WDR82: variants seen among roughly 807,000 people sequenced by gnomAD.
WDR82 encodes WD repeat domain 82.
In WDR82, 8 loss-of-function variants were observed where a neutral mutation model predicts 36.1. The ratio of observed to expected loss-of-function variants is 0.22; its 90% confidence interval spans 0.13 to 0.40. WDR82 has a LOEUF of 0.40. Ranked by LOEUF, WDR82 falls within the 10% of genes least tolerant of loss-of-function variation. The probability of loss-of-function intolerance (pLI) is 1.00; values close to 1 mark genes in which losing one functional copy is unlikely to be tolerated. For missense variants in WDR82, 185 were observed against 400.5 expected (o/e 0.46, Z 4.59); for synonymous variants, 129 against 137.8 (o/e 0.94, Z 0.45).
At position 52,258,549 on chromosome 3, in the gene WDR82, G is replaced by A; in HGVS notation, c.899C>T (p.Ala300Val). ...FNPKFMTFAS[A>V]CSNMAFWLPT... ...CTGTTCACATACCATGTTGGAACAC[G>A]CACTGGCAAAAGTCATGAACTTGGG... Residue 300 changes from alanine (A) to valine (V), a missense_variant, in exon 8 of 9, where the codon GCG becomes GTG. Ala to Val is a moderately conservative substitution (Grantham distance 64, BLOSUM62 0). Around this residue, in one of 3 missense-constraint regions of WDR82, gnomAD observed 110 missense variants for 212.6 expected, o/e 0.52. Transcript: ENST00000296490. 3.1e-6 allele frequency: 5 copies of A among 1,613,812 alleles called. No homozygotes were observed. Among genetic ancestry groups the A allele is most frequent in the Non-Finnish European group, 4.2e-6 (5 of 1,179,902 alleles).
In WDR82 at chr3:52,266,843, G is replaced by A. The variant is rs1700110668; in HGVS notation, c.326+109C>T. 41 of 865,134 alleles carry A rather than the reference G, an allele frequency of 4.7e-5. No homozygotes were observed. In the South Asian group the frequency reaches 5.7e-4, roughly 12 times the overall value. 53.6% of individuals were successfully genotyped at this position (865,134 alleles called of 1,614,324 possible). A position where few individuals can be genotyped will look rare whatever the true frequency, so the allele number is the denominator to read the frequency against. ...AAGAGAAGATGAAGAATGCCAAGCA[G>A]TAGTGAGGAAGTAGCTTCAGTTCAC... On this transcript the variant is annotated intron_variant, in intron 3 of 8. Coordinates refer to ENST00000296490, the MANE Select transcript of WDR82 (RefSeq NM_025222.4).
At position 52,257,297 on chromosome 3, in the gene WDR82, A is replaced by T; in HGVS notation, c.*193T>A. 2.9e-6 allele frequency: 2 copies of T among 682,424 alleles called. No homozygotes were observed. The highest frequency in any genetic ancestry group is 4.9e-6 in the Non-Finnish European group (2 of 408,826). The allele number at this position is 682,424 out of a possible 1,614,324, so 42.3% of individuals were successfully genotyped here. ...TTCCAATTGAGTCTGTTGCACCAAG[A>T]GTCCTTTTGAAGACGCTCATCAAAG... On this transcript the variant is annotated 3_prime_UTR_variant, in exon 9 of 9. Coordinates refer to ENST00000296490, the MANE Select transcript of WDR82 (RefSeq NM_025222.4).
At chr3:52,272,731 T>G (rs967627467) in intron 1 of WDR82, among the ~76,000 whole-genome samples, 4 of 152,172 alleles carry the variant, frequency 2.6e-5, no homozygotes, top group Admixed American at 2.6e-4. Flanking sequence ...GAGTTCCAAT[T>G]TATGAAAAGG....
chr3:52,265,283 G>C (rs1700095347), intron 3 of WDR82, among the ~76,000 whole-genome samples: 2 of 105,844 alleles, frequency 1.9e-5, no homozygotes. Flanking sequence ...CTGGGCGACA[G>C]AGCGAGACTC....
intron 8 of WDR82, among the ~76,000 whole-genome samples, chr3:52,258,092 A>T (rs1700028991): frequency 6.6e-6 from 1 of 152,148 alleles, no homozygotes; most frequent in South Asian, 2.1e-4. Flanking sequence ...CTAGGAAGAG[A>T]TAAGGGCCTG....
Position 52,278,213 on chromosome 3 carries a change from C to T in WDR82, c.149G>A (p.Cys50Tyr). ...CCGCCGCACTCACTTGCCCTCCTGG[C>T]AGTCATAGAGCACGATGGAGTCGTC... is the stretch of plus-strand genomic sequence containing the variant. ...SDDDSIVLYD[C>Y]QEGKPKRTLY... Residue 50 changes from cysteine to tyrosine, a missense_variant, in exon 1 of 9, where the codon TGC (cysteine) becomes TAC (tyrosine). Cys to Tyr is a radical substitution (Grantham distance 194). Coordinates refer to ENST00000296490, the MANE Select transcript of WDR82 (RefSeq NM_025222.4). The T allele has an allele frequency of 1.2e-6, 2 of 1,602,694 alleles. No homozygotes were observed. The highest frequency in any genetic ancestry group is 1.7e-6 in the Non-Finnish European group (2 of 1,174,506).
chr3:52,261,729 A>C (rs1006261788), intron 3 of WDR82, among the ~76,000 whole-genome samples: 8 of 152,210 alleles, frequency 5.3e-5, no homozygotes, highest in Admixed American at 5.2e-4. Flanking sequence ...CCACAATGAA[A>C]TACTACTCCA....
chr3:52,269,435 A>C (rs1374681389), intron 2 of WDR82, among the ~76,000 whole-genome samples: 1 of 152,150 alleles, frequency 6.6e-6, no homozygotes, highest in Non-Finnish European at 1.5e-5. Context: ...AGATTGCACC[A>C]TTGCACTCCA....
chr3:52,273,332 G>A (rs747567279), intron 1 of WDR82, among the ~76,000 whole-genome samples: 4 of 151,948 alleles, frequency 2.6e-5, no homozygotes, highest in Non-Finnish European at 5.9e-5. Context: ...TTGGGAGGCT[G>A]AGGTAGGAGA....
intron 1 of WDR82, among the ~76,000 whole-genome samples, chr3:52,275,193 C>G (rs1700192336): frequency 6.6e-6 from 1 of 152,128 alleles, no homozygotes; most frequent in Non-Finnish European, 1.5e-5. Flanking sequence ...TGCACTCCAG[C>G]CTGGGCAACA....
intron 2 of WDR82, among the ~76,000 whole-genome samples, chr3:52,269,404 G>A (rs1181061539): frequency 2.6e-5 from 4 of 152,182 alleles, no homozygotes; most frequent in Non-Finnish European, 1.5e-5. Context: ...GAACCCAGGA[G>A]GCTGAGATTG....
intron 3 of WDR82, among the ~76,000 whole-genome samples, chr3:52,266,476 C>T (rs1303695663): frequency 1.3e-5 from 2 of 152,026 alleles, no homozygotes; most frequent in Non-Finnish European, 2.9e-5. Flanking sequence ...CTCACTCTGT[C>T]GCCCAAGCTG....
At chr3:52,274,115 T>A (rs1316186492) in intron 1 of WDR82, among the ~76,000 whole-genome samples, 1 of 152,176 alleles carries the variant, frequency 6.6e-6, no homozygotes, top group Non-Finnish European at 1.5e-5. Flanking sequence ...ACAAACAATA[T>A]CCTTTATACT....
intron 1 of WDR82, among the ~76,000 whole-genome samples, chr3:52,272,500 C>T (rs1487718932): frequency 1.4e-5 from 2 of 146,888 alleles, no homozygotes; most frequent in Admixed American, 6.8e-5. Context: ...GCTGAGATCG[C>T]GCCACTGCAC....
chr3:52,276,833 C>G (rs192853263), intron 1 of WDR82, among the ~76,000 whole-genome samples: 1 of 152,278 alleles, frequency 6.6e-6, no homozygotes, highest in Admixed American at 6.5e-5. Flanking sequence ...CCACTGCAGA[C>G]CACTCTGCCA....
chr3:52,277,233 A>C (rs1700212737), intron 1 of WDR82, among the ~76,000 whole-genome samples: 1 of 152,138 alleles, frequency 6.6e-6, no homozygotes, highest in Admixed American at 6.5e-5. Context: ...TTTTGGCTCC[A>C]AGGAGCTGCA....
intron 3 of WDR82, among the ~76,000 whole-genome samples, chr3:52,262,856 C>T (rs1269788649): frequency 1.3e-5 from 2 of 152,168 alleles, no homozygotes; most frequent in Non-Finnish European, 2.9e-5. Context: ...AGGCCAGGTG[C>T]GGTGGCTCAT....
intron 1 of WDR82, among the ~76,000 whole-genome samples, chr3:52,277,065 A>AAACAAT (rs1553619917): frequency 7.1e-6 from 1 of 141,022 alleles, no homozygotes; most frequent in Non-Finnish European, 1.5e-5. Flanking sequence ...CCAAGATCTC[A>AAACAAT]AATAATAATA....
intron 7 of WDR82, among the ~76,000 whole-genome samples, 191 bp from the exon 8 acceptor site, chr3:52,258,869 C>T (rs917246402): frequency 6.6e-6 from 1 of 152,184 alleles, no homozygotes; most frequent in Non-Finnish European, 1.5e-5. Flanking sequence ...TATTTGTTCA[C>T]AGGCATGTCA....
Sources: allele counts gnomAD v4.1 joint callset (sites outside exome capture counted in the v4.1 genomes callset), GRCh38; gene constraint gnomAD v4.1.1; regional missense constraint gnomAD v4.1.1; transcripts MANE v1.5; gene names NCBI Gene and HGNC (gene_info 2026-07-23, HGNC 2026-07-21).